VGLL4: variants seen among roughly 807,000 people sequenced by gnomAD.
The protein encoded by VGLL4 is transcription cofactor vestigial-like protein 4.
A neutral mutation model predicts 21.0 loss-of-function variants in VGLL4; 7 were observed. The observed-to-expected ratio is 0.33, with a 90% confidence interval of 0.19 to 0.63. The LOEUF (loss-of-function observed/expected upper bound fraction) is 0.63. Among genes scored for constraint, VGLL4 ranks in the 20% least tolerant of loss-of-function variants. The pLI, the probability that VGLL4 is intolerant of heterozygous loss-of-function variation, is 0.78. For synonymous variants in VGLL4, 222 were observed against 173.2 expected, an observed-to-expected ratio of 1.28 and a Z score of -2.21; for missense variants, 394 against 425.7, an observed-to-expected ratio of 0.93 and a Z score of 0.66.
At chr3:11,654,199 C>T (rs1370117339) in intron 2 of VGLL4, among the ~76,000 whole-genome samples, 1 of 152,186 alleles carries the variant, frequency 6.6e-6, no homozygotes, top group Non-Finnish European at 1.5e-5. Flanking sequence ...GCCAAATCAT[C>T]ATTCTCTGAT....
At chr3:11,561,827 C>CG (rs34665270) in intron 3 of VGLL4, among the ~76,000 whole-genome samples, 31 of 150,322 alleles carry the variant, frequency 2.1e-4, no homozygotes, top group Admixed American at 1.1e-3. Context: ...GAGGCTGCCC[C>CG]GGGGGAGAGG....
chr3:11,651,049 T>C (rs2075863996), intron 2 of VGLL4, among the ~76,000 whole-genome samples: 1 of 152,124 alleles, frequency 6.6e-6, no homozygotes, highest in South Asian at 2.1e-4. Flanking sequence ...AAGGAAAGCA[T>C]AGAAAAGGGT....
In VGLL4 at chr3:11,663,422, A is replaced by C. The variant is rs559770808; in HGVS notation, c.64+39549T>G. On this transcript the variant is annotated intron_variant, in intron 2 of 5. Coordinates refer to the VGLL4 transcript ENST00000273038. The stretch of plus-strand genomic sequence containing the variant: ...TTCAAGATTAAAACTGCAACATTTA[A>C]CTGTAAGAATCCTAGGCAAGGCGCG... 7.2e-5 allele frequency among the ~76,000 whole-genome samples: 11 copies of C among 152,364 alleles called. 1 individual carries two copies. The South Asian group carries it at 2.1e-3, about 29-fold the overall frequency.
intron 2 of VGLL4, among the ~76,000 whole-genome samples, chr3:11,686,741 T>A (rs1440513379): frequency 1.3e-5 from 2 of 152,202 alleles, no homozygotes. Flanking sequence ...CTATGACATA[T>A]AAATTCCTAT....
intron 2 of VGLL4, among the ~76,000 whole-genome samples, chr3:11,656,161 C>T (rs2075954887): frequency 6.6e-6 from 1 of 152,172 alleles, no homozygotes; most frequent in African/African-American, 2.4e-5. Flanking sequence ...GGCTCATGAT[C>T]CCTAAGGAGG....
chr3:11,694,450 G>C (rs190061973), intron 2 of VGLL4, among the ~76,000 whole-genome samples: 1 of 152,072 alleles, frequency 6.6e-6, no homozygotes, highest in Non-Finnish European at 1.5e-5. Context: ...GTGAAACCCT[G>C]TCTTTACTAA....
intron 2 of VGLL4, among the ~76,000 whole-genome samples, chr3:11,689,323 C>T (rs1486270866): frequency 1.3e-5 from 2 of 152,194 alleles, no homozygotes; most frequent in Non-Finnish European, 2.9e-5. Context: ...TTCCTTTCCT[C>T]GTCCCGCTTC....
intron 2 of VGLL4, among the ~76,000 whole-genome samples, chr3:11,582,869 C>T (rs942992350): frequency 3.9e-5 from 6 of 152,168 alleles, no homozygotes; most frequent in Non-Finnish European, 7.4e-5. Context: ...CTTCTGCCTC[C>T]CTTCCACCAG....
intron 2 of VGLL4, among the ~76,000 whole-genome samples, chr3:11,649,268 C>T (rs1164448270): frequency 1.3e-5 from 2 of 152,082 alleles, no homozygotes; most frequent in African/African-American, 2.4e-5. Context: ...CAATAAAAAT[C>T]GGATATAAAA....
intron 1 of VGLL4, among the ~76,000 whole-genome samples, chr3:11,641,286 A>C (rs17034932): frequency 0.019 from 2,853 of 152,308 alleles, 85 homozygotes; most frequent in African/African-American, 0.064. Context: ...CTTATTCTTA[A>C]GGGGCATGAA....
intron 2 of VGLL4, among the ~76,000 whole-genome samples, chr3:11,594,447 G>A (rs758917630): frequency 5.9e-5 from 9 of 152,166 alleles, no homozygotes; most frequent in Non-Finnish European, 1.2e-4. Flanking sequence ...TCCAACACAC[G>A]GCCAGTCTGA....
At chr3:11,573,222 G>A (rs928914442) in intron 2 of VGLL4, among the ~76,000 whole-genome samples, 1 of 137,348 alleles carries the variant, frequency 7.3e-6, no homozygotes, top group African/African-American at 2.8e-5. Flanking sequence ...GAGAGAGAAA[G>A]ACAGACAGAA....
intron 2 of VGLL4, among the ~76,000 whole-genome samples, chr3:11,685,164 G>A (rs546072272): frequency 7.3e-5 from 11 of 150,636 alleles, no homozygotes; most frequent in Non-Finnish European, 8.8e-5. Flanking sequence ...ACATGATCTC[G>A]TGCTTTTTTG....
intron 2 of VGLL4, among the ~76,000 whole-genome samples, chr3:11,590,682 G>GTGTGTGTC (rs2074472265): frequency 6.7e-6 from 1 of 149,260 alleles, no homozygotes; most frequent in Non-Finnish European, 1.5e-5. Context: ...GTGTGTGTGT[G>GTGTGTGTC]TGTGTGTGTG....
At chr3:11,584,445 C>G (rs1412387997) in intron 2 of VGLL4, among the ~76,000 whole-genome samples, 1 of 151,672 alleles carries the variant, frequency 6.6e-6, no homozygotes, top group South Asian at 2.1e-4. Context: ...GGGAAGATGC[C>G]GAGAGAGAGA....
intron 1 of VGLL4, among the ~76,000 whole-genome samples, chr3:11,630,858 C>T (rs1023159372): frequency 6.6e-6 from 1 of 152,058 alleles, no homozygotes; most frequent in Non-Finnish European, 1.5e-5. Flanking sequence ...TAAAAATGTT[C>T]GAACACTGTA....
chr3:11,617,098 G>A (rs1450697237), intron 1 of VGLL4, among the ~76,000 whole-genome samples: 2 of 151,896 alleles, frequency 1.3e-5, no homozygotes, highest in Admixed American at 6.6e-5. Context: ...TTTAAAAAAA[G>A]AGAGCGATGC....
chr3:11,610,759 T>A (rs1006827436), intron 1 of VGLL4: 1 of 152,252 alleles, frequency 6.6e-6, no homozygotes, highest in East Asian at 1.9e-4. Flanking sequence ...GCATATGCCA[T>A]CTTCACTAGA....
In VGLL4 at chr3:11,558,006, GC is replaced by G. The variant is rs1662958249; in HGVS notation, c.*549del. 1 of 155,358 alleles carries G rather than the reference GC, an allele frequency of 6.4e-6. No individual in the cohort carries two copies. Among genetic ancestry groups the G allele is most frequent in the Admixed American group, 6.3e-5 (1 of 15,948 alleles). 9.6% of individuals were successfully genotyped at this position (155,358 alleles called of 1,614,324 possible). A position where few individuals can be genotyped will look rare whatever the true frequency, so the allele number is the denominator to read the frequency against. ...TCATCCTTAAACCCTTTGTTTTTCAGCAGTTTGCCCTCAGAGTTCTGGCATA... is the reference window on the plus strand; with the variant it reads ...TCATCCTTAAACCCTTTGTTTTTCAGAGTTTGCCCTCAGAGTTCTGGCATA... On this transcript the variant is annotated 3_prime_UTR_variant, in exon 5 of 5. Transcript: ENST00000430365.
Sources: gnomAD v4.1 joint callset for allele counts (sites outside exome capture counted in the v4.1 genomes callset) on GRCh38, gnomAD v4.1.1 for gene constraint, MANE v1.5 for transcripts, NCBI Gene and HGNC (gene_info 2026-07-23, HGNC 2026-07-21) for gene names.